The following BRINP1 variants were observed in gnomAD, a reference collection of about 807,000 sequenced individuals.
BRINP1 encodes the protein BMP/retinoic acid inducible neural specific 1, also known as BMP/retinoic acid-inducible neural-specific protein 1.
In BRINP1, 17 loss-of-function variants were observed where a neutral mutation model predicts 72.9. The ratio of observed to expected loss-of-function variants is 0.23; its 90% CI spans 0.16 to 0.35. The LOEUF (loss-of-function observed/expected upper bound fraction) is 0.35. Among genes scored for constraint, BRINP1 ranks in the 10% least tolerant of loss-of-function variants. The pLI is 1.00. For synonymous variants in BRINP1, 418 were observed against 378.5 expected (o/e 1.10, Z -1.21); for missense variants, 850 against 1,001.6 (o/e 0.85, Z 2.04).
intron 4 of BRINP1, 102 bp from the exon 5 acceptor site, chr9:119,238,862 C>T: frequency 2.8e-6 from 2 of 705,788 alleles, no homozygotes; most frequent in South Asian, 3.9e-5. Context: ...CAGAAAAGGC[C>T]TCCTGGTTTG....
intron 5 of BRINP1, among the ~76,000 whole-genome samples, chr9:119,217,887 TC>T (rs1829995872): frequency 6.6e-6 from 1 of 152,056 alleles, no homozygotes; most frequent in South Asian, 2.1e-4. Flanking sequence ...TCAATATTGT[TC>T]CTCCCATAAT....
chr9:119,236,613 G>A (rs961874583), intron 5 of BRINP1, among the ~76,000 whole-genome samples: 4 of 152,096 alleles, frequency 2.6e-5, no homozygotes, highest in African/African-American at 9.7e-5. Flanking sequence ...GCACAGCAGG[G>A]TGATCAAACA....
intron 7 of BRINP1, among the ~76,000 whole-genome samples, chr9:119,199,384 A>G (rs1462615418): frequency 6.6e-6 from 1 of 152,218 alleles, no homozygotes; most frequent in Non-Finnish European, 1.5e-5. Context: ...ATAGACACCA[A>G]TTAAACACTG....
Position 119,258,452 on chromosome 9 carries a change from T to C in BRINP1, c.219-9302A>G, listed in dbSNP as rs568225132. ...TAATCGTGGGAAAGGAAGCTTAGAATGCACTTGTTTTATTTTACCCCAAAG... is the reference window on the plus strand; with the variant it reads ...TAATCGTGGGAAAGGAAGCTTAGAACGCACTTGTTTTATTTTACCCCAAAG... On this transcript the variant is annotated intron_variant, in intron 2 of 7. Transcript: ENST00000265922. Among the ~76,000 whole-genome samples, 6 of 152,286 alleles carry C rather than the reference T, an allele frequency of 3.9e-5. No homozygotes were observed. The East Asian group carries it at 5.8e-4, about 15-fold the overall frequency.
At chr9:119,359,233 A>G (rs1831604190) in intron 1 of BRINP1, among the ~76,000 whole-genome samples, 1 of 152,140 alleles carries the variant, frequency 6.6e-6, no homozygotes, top group Admixed American at 6.5e-5. Context: ...TGACTCTGTT[A>G]CCCACGCTGA....
At chr9:119,233,057 GTTTTAATAAACA>G (rs1306244696) in intron 5 of BRINP1, among the ~76,000 whole-genome samples, 3 of 140,974 alleles carry the variant, frequency 2.1e-5, no homozygotes, top group African/African-American at 8.0e-5. Flanking sequence ...CGTTTGCCTT[GTTTTAATAAACA>G]TTTCATGAAA....
intron 2 of BRINP1, among the ~76,000 whole-genome samples, chr9:119,272,783 G>C (rs1249805779): frequency 6.6e-6 from 1 of 152,178 alleles, no homozygotes; most frequent in Admixed American, 6.5e-5. Flanking sequence ...ACTTTTCCAT[G>C]GAAGTTTTTC....
intron 1 of BRINP1, among the ~76,000 whole-genome samples, chr9:119,332,903 G>T (rs140449580): frequency 1.2e-4 from 19 of 152,206 alleles, no homozygotes; most frequent in Non-Finnish European, 2.5e-4. Context: ...ACAAGTTTAC[G>T]GTAATAGCTA....
chr9:119,343,759 T>C (rs1423103329), intron 1 of BRINP1, among the ~76,000 whole-genome samples: 1 of 152,174 alleles, frequency 6.6e-6, no homozygotes, highest in Non-Finnish European at 1.5e-5. Context: ...GGAAGTATAA[T>C]GTATAATGTC....
chr9:119,188,913 T>C (rs1363781576), intron 7 of BRINP1, among the ~76,000 whole-genome samples: 1 of 152,144 alleles, frequency 6.6e-6, no homozygotes. Context: ...ATGACTATAA[T>C]AGTGATATAT....
rs149037826 is a variant in BRINP1, at chr9:119,242,167, C to A, written c.459G>T (p.Lys153Asn). The A allele has an allele frequency of 1.7e-4, 278 of 1,614,184 alleles. No individual in the cohort carries two copies. The East Asian group carries it at 4.4e-3, about 25-fold the overall frequency. ...MYMDKSRLDR[K>N]SGNATQSVEA... ...CAACACTTTGAGTGGCATTCCCTGA[C>A]TTCCTGTCGAGGCGACTTTTGTCCA... Residue 153 changes from lysine to asparagine, a missense_variant, in exon 4 of 8, where the codon AAG becomes AAT. Transcript: ENST00000265922.
At chr9:119,224,979 A>G (rs553883577) in intron 5 of BRINP1, among the ~76,000 whole-genome samples, 2 of 152,170 alleles carry the variant, frequency 1.3e-5, no homozygotes, top group South Asian at 4.1e-4. Flanking sequence ...TTATTTTTAC[A>G]CCAAATCTTT....
At chr9:119,172,661 A>G (rs544816372) in intron 7 of BRINP1, among the ~76,000 whole-genome samples, 100 of 151,474 alleles carry the variant, frequency 6.6e-4, no homozygotes, top group African/African-American at 2.1e-3. Context: ...TACCAAAGCC[A>G]GGCAGAGACA....
At chr9:119,196,190 C>T (rs1350767301) in intron 7 of BRINP1, among the ~76,000 whole-genome samples, 22 of 152,230 alleles carry the variant, frequency 1.4e-4, no homozygotes, top group South Asian at 2.1e-4. Context: ...TCTGGTATGG[C>T]GCTTAGACCA....
At position 119,167,035 on chromosome 9, in the gene BRINP1, T is replaced by G; in HGVS notation, c.*49A>C. ...TGTTTTGTTTTGCTTCATTTTGTTC[T>G]GTTGTGTGTGTACAACAACAGGAAA... is the stretch of plus-strand genomic sequence containing the variant. On this transcript the variant is annotated 3_prime_UTR_variant, in exon 8 of 8. Coordinates refer to ENST00000265922, the MANE Select transcript of BRINP1 (RefSeq NM_014618.3). This position sits in a 1 kb window ranked among gnomAD's most constrained non-coding sequence, Gnocchi z 4.3. 4 of 1,504,218 alleles carry G rather than the reference T, an allele frequency of 2.7e-6. No homozygotes were observed. Among genetic ancestry groups the G allele is most frequent in the Non-Finnish European group, 3.6e-6 (4 of 1,121,562 alleles). 93.2% of individuals were successfully genotyped at this position (1,504,218 alleles called of 1,614,324 possible). A position where few individuals can be genotyped will look rare whatever the true frequency, so the allele number is the denominator to read the frequency against.
At chr9:119,317,578 A>C (rs1216772996) in intron 1 of BRINP1, among the ~76,000 whole-genome samples, 3 of 152,250 alleles carry the variant, frequency 2.0e-5, no homozygotes, top group Non-Finnish European at 2.9e-5. Context: ...AGTTGATAAA[A>C]CAGTGGCAAG....
rs1195280551 is a variant in BRINP1, at chr9:119,174,884, G to A, written c.1146-6660C>T. Among the ~76,000 whole-genome samples, 108 of 148,464 alleles carry A rather than the reference G, an allele frequency of 7.3e-4. 1 individual carries two copies. The highest frequency in any genetic ancestry group is 2.3e-3 in the African/African-American group (90 of 39,842). On this transcript the variant is annotated intron_variant, in intron 7 of 7. Transcript: ENST00000265922. ...TCGCAAGAACAAAAAACCAAACACC[G>A]CATATTCTCACTCATAGGTGGGAAT...
intron 1 of BRINP1, among the ~76,000 whole-genome samples, chr9:119,339,187 C>T (rs1246909777): frequency 6.6e-6 from 1 of 152,192 alleles, no homozygotes; most frequent in Non-Finnish European, 1.5e-5. Flanking sequence ...ATCTCAATTA[C>T]TCAGCTCTAT....
intron 2 of BRINP1, among the ~76,000 whole-genome samples, chr9:119,292,067 C>T (rs1830827360): frequency 6.6e-6 from 1 of 152,116 alleles, no homozygotes; most frequent in South Asian, 2.1e-4. Context: ...GCAAAGAATT[C>T]ACAGAACCAC....
Sources: allele counts gnomAD v4.1 joint callset (sites outside exome capture counted in the v4.1 genomes callset), GRCh38; gene constraint gnomAD v4.1.1; non-coding constraint Gnocchi (gnomAD v3.1); transcripts MANE v1.5; gene names NCBI Gene and HGNC (gene_info 2026-07-23, HGNC 2026-07-21).